The following ZNF621 variants were observed in gnomAD, a reference collection of about 807,000 sequenced individuals.
The protein encoded by ZNF621 is zinc finger protein 621.
A neutral mutation model predicts 12.7 loss-of-function variants in ZNF621; 6 were observed. That is an observed-to-expected ratio of 0.47 (90% CI 0.26 to 0.93). The LOEUF (loss-of-function observed/expected upper bound fraction) is 0.93, where lower values mean the gene tolerates loss of function less well. Ranked by LOEUF, ZNF621 falls within the 40% of genes least tolerant of loss-of-function variation. The probability of loss-of-function intolerance (pLI) is 0.15; values close to 1 mark genes in which losing one functional copy is unlikely to be tolerated. For synonymous variants in ZNF621, 156 were observed against 190.3 expected (o/e 0.82, Z 1.48); for missense variants, 474 against 524.0 (o/e 0.90, Z 0.93).
At chr3:40,530,420 T>G (rs1465923260) in intron 4 of ZNF621, 104 bp downstream of exon 4, 1 of 920,868 alleles carries the variant, frequency 1.1e-6, no homozygotes, top group African/African-American at 1.6e-5. Flanking sequence ...CAGTTATTTA[T>G]AAGTCGATAC....
At chr3:40,527,159 A>G (rs752339430) in intron 2 of ZNF621, among the ~76,000 whole-genome samples, 5 of 152,088 alleles carry the variant, frequency 3.3e-5, no homozygotes, top group Non-Finnish European at 5.9e-5. Context: ...ATGGAATTAC[A>G]GGTGCCCGCC....
rs1698848537 is a variant in ZNF621 at position 40,535,624 on chromosome 3, G to A, written c.*2534G>A. 3.3e-5 allele frequency: 5 copies of A among 152,200 alleles called. No individual in the cohort carries two copies. In the South Asian group the frequency reaches 1.0e-3, roughly 32 times the overall value. 9.4% of individuals were successfully genotyped at this position (152,200 alleles called of 1,614,324 possible). The stretch of plus-strand genomic sequence containing the variant: ...AGGGTCTTCTGTCTTCAGCCAGGGT[G>A]TACCTGCTCGGTGGGAGTTGGTTAT... On this transcript the variant is annotated 3_prime_UTR_variant, in exon 5 of 5. Transcript: ENST00000339296.
Position 40,539,574 on chromosome 3 carries a change from T to C in ZNF621, c.*6484T>C, listed in dbSNP as rs1459181619. On this transcript the variant is annotated 3_prime_UTR_variant, in exon 5 of 5. Transcript: ENST00000339296. ...TCCCTTTATTGTGTTAAACATTTTA[T>C]TACAGTTGTCTGGAAGCAAACCTGC... is the stretch of plus-strand genomic sequence containing the variant. The C allele has an allele frequency of 6.6e-6, 1 of 152,224 alleles. No individual in the cohort carries two copies. Among genetic ancestry groups the C allele is most frequent in the Non-Finnish European group, 1.5e-5 (1 of 68,038 alleles). The allele number at this position is 152,224 out of a possible 1,614,324, so 9.4% of individuals were successfully genotyped here.
At position 40,532,543 on chromosome 3, in the gene ZNF621, C is replaced by T. The variant is rs376957315; in HGVS notation, c.773C>T (p.Thr258Met). The change falls in exon 5 of 5, where the codon ACG becomes ATG. Residue 258 changes from threonine to methionine, a missense_variant. Thr to Met is a moderately conservative substitution (Grantham distance 81). Coordinates refer to ENST00000339296, the MANE Select transcript of ZNF621 (RefSeq NM_198484.5). ...TACCTGCAGCATCAGAGATTACACA[C>T]GGGAGAGAAACTCTATAAATGTAAG... ...AAYLQHQRLH[T>M]GEKLYKCKEC... The T allele has an allele frequency of 3.3e-5, 53 of 1,613,934 alleles. No individual in the cohort carries two copies. The highest frequency in any genetic ancestry group is 4.2e-5 in the Non-Finnish European group (50 of 1,180,034).
At position 40,532,648 on chromosome 3, in the gene ZNF621, G is replaced by T; in HGVS notation, c.878G>T (p.Cys293Phe). The T allele has an allele frequency of 6.2e-7, 1 of 1,614,212 alleles. No individual in the cohort carries two copies. The highest frequency in any genetic ancestry group is 8.5e-7 in the Non-Finnish European group (1 of 1,180,030). ...CATACTGGGGAGAAACCTTATCAAT[G>T]TAAGGAGTGTGGCAAAGCCTTCACC... ...RIHTGEKPYQCKECGKAFTQK... is the reference protein window; with the variant it reads ...RIHTGEKPYQFKECGKAFTQK... Residue 293 changes from cysteine to phenylalanine, a missense_variant, in exon 5 of 5, where the codon TGT (cysteine) becomes TTT (phenylalanine). Physicochemically the swap from Cys to Phe is radical, Grantham distance 205. Coordinates refer to ENST00000339296, the MANE Select transcript of ZNF621 (RefSeq NM_198484.5).
Position 40,532,801 on chromosome 3 carries a change from A to C in ZNF621, c.1031A>C (p.Glu344Ala). The C allele has an allele frequency of 6.2e-7, 1 of 1,614,208 alleles. No individual in the cohort carries two copies. The highest frequency in any genetic ancestry group is 8.5e-7 in the Non-Finnish European group (1 of 1,180,036). The change falls in exon 5 of 5, where the codon GAG becomes GCG. Residue 344 changes from glutamate (E) to alanine (A), a missense_variant. By Grantham distance (107) the Glu-to-Ala change is moderately radical (BLOSUM62 -1). Coordinates refer to ENST00000339296, the MANE Select transcript of ZNF621 (RefSeq NM_198484.5). ...CAGCATCAGAAATTGCACCCTGTGG[A>C]GAAGAAGCCAGTCAAGGTCCTTGGG... The part of the protein sequence containing the change: ...FVQHQKLHPV[E>A]KKPVKVLGPS...
chr3:40,538,256 T>G lies in ZNF621; in HGVS notation c.*5166T>G, dbSNP rs973337619. 1 of 418,356 alleles carries G rather than the reference T, an allele frequency of 2.4e-6. No homozygotes were observed. The highest frequency in any genetic ancestry group is 4.7e-6 in the Non-Finnish European group (1 of 211,062). 25.9% of individuals were successfully genotyped at this position (418,356 alleles called of 1,614,324 possible). ...TGTCAGGTGTGGTGGCTCACACTTGTAATCCCAACACTTTGGGAGGCCAAG... is the reference window on the plus strand; with the variant it reads ...TGTCAGGTGTGGTGGCTCACACTTGGAATCCCAACACTTTGGGAGGCCAAG... On this transcript the variant is annotated 3_prime_UTR_variant, in exon 5 of 5. Transcript: ENST00000339296.
chr3:40,536,607 C>T lies in ZNF621; in HGVS notation c.*3517C>T, dbSNP rs917734212. ...CCAGTCCCAAGTGCTGCCTGCCAAT[C>T]GTCCAGCACCCTCCACCTTTGCCAC... On this transcript the variant is annotated 3_prime_UTR_variant, in exon 5 of 5. Coordinates refer to ENST00000339296, the MANE Select transcript of ZNF621 (RefSeq NM_198484.5). 6.6e-6 allele frequency: 1 copy of T among 152,204 alleles called. No individual in the cohort carries two copies. Among genetic ancestry groups the T allele is most frequent in the Non-Finnish European group, 1.5e-5 (1 of 68,048 alleles). The allele number at this position is 152,204 out of a possible 1,614,324, so 9.4% of individuals were successfully genotyped here.
In ZNF621 at chr3:40,537,707, G is replaced by A; in HGVS notation, c.*4617G>A. On this transcript the variant is annotated 3_prime_UTR_variant, in exon 5 of 5. Transcript: ENST00000339296. ...CCTAATCCAGAGCAAGGCCATAACT[G>A]CCATTGTATGAAGGCTGAGAGAAGT... The A allele has an allele frequency of 6.2e-6, 1 of 160,912 alleles. No homozygotes were observed. The allele number at this position is 160,912 out of a possible 1,614,324, so 10.0% of individuals were successfully genotyped here.
At chr3:40,524,958 C>G (rs1245919319), upstream of ZNF621, 2 of 152,318 alleles carry the variant, frequency 1.3e-5, no homozygotes, top group African/African-American at 4.8e-5. Context: ...CGTGCACTCG[C>G]CCTTCCGGCT....
rs1698878500 is a variant in ZNF621 at position 40,536,882 on chromosome 3, A to C, written c.*3792A>C. On this transcript the variant is annotated 3_prime_UTR_variant, in exon 5 of 5. Coordinates refer to ENST00000339296, the MANE Select transcript of ZNF621 (RefSeq NM_198484.5). ...AAACTTAAAATATTTCAAACTTTTC[A>C]TTATATGTGTTTTGGTGATTAGTGA... 6.6e-6 allele frequency: 1 copy of C among 151,904 alleles called. No homozygotes were observed. Among genetic ancestry groups the C allele is most frequent in the Admixed American group, 6.6e-5 (1 of 15,234 alleles). The allele number at this position is 151,904 out of a possible 1,614,324, so 9.4% of individuals were successfully genotyped here.
intron 3 of ZNF621, 89 bp from the exon 4 acceptor site, chr3:40,530,120 A>G: frequency 1.9e-6 from 2 of 1,072,302 alleles, no homozygotes; most frequent in Non-Finnish European, 2.8e-6. Context: ...TTCTCTCCCA[A>G]GTAGCCTGAT....
chr3:40,532,288 A>G lies in ZNF621; in HGVS notation c.518A>G (p.His173Arg), dbSNP rs1242280690. The G allele has an allele frequency of 6.2e-7, 1 of 1,613,314 alleles. No homozygotes were observed. Among genetic ancestry groups the G allele is most frequent in the Non-Finnish European group, 8.5e-7 (1 of 1,180,036 alleles). The change falls in exon 5 of 5, where the codon CAT becomes CGT. Residue 173 changes from histidine (H) to arginine (R), a missense_variant. His to Arg is a conservative substitution (Grantham distance 29). Transcript: ENST00000339296. ...AAGCTTATTCGGCATCAGATGAGTC[A>G]TACTGGGGAAAAGCCCTTTAAGTGT... Reference protein sequence around the residue: ...NSKLIRHQMSHTGEKPFKCKE... With the variant: ...NSKLIRHQMSRTGEKPFKCKE...
intron 2 of ZNF621, among the ~76,000 whole-genome samples, chr3:40,527,716 A>G (rs990267126): frequency 6.6e-6 from 1 of 152,230 alleles, no homozygotes; most frequent in South Asian, 2.1e-4. Context: ...TGGTATCAGC[A>G]CAGTAAAATG....
At chr3:40,527,998 A>G (rs1698625955) in intron 2 of ZNF621, among the ~76,000 whole-genome samples, 1 of 152,232 alleles carries the variant, frequency 6.6e-6, no homozygotes, top group South Asian at 2.1e-4. Flanking sequence ...GAGTGAACCT[A>G]CACTAACACA....
Position 40,536,714 on chromosome 3 carries a change from A to G in ZNF621, c.*3624A>G, listed in dbSNP as rs1698872599. On this transcript the variant is annotated 3_prime_UTR_variant, in exon 5 of 5. Transcript: ENST00000339296. The stretch of plus-strand genomic sequence containing the variant: ...TCAAAGTACAGGCATACCTCATTTT[A>G]TTGCAGTTTGTTTTATTGTGTCTTG... 1 of 152,130 alleles carries G rather than the reference A, an allele frequency of 6.6e-6. No homozygotes were observed. The highest frequency in any genetic ancestry group is 1.5e-5 in the Non-Finnish European group (1 of 68,014). The allele number at this position is 152,130 out of a possible 1,614,324, so 9.4% of individuals were successfully genotyped here. A position where few individuals can be genotyped will look rare whatever the true frequency, so the allele number is the denominator to read the frequency against.
At chr3:40,523,130 GGACT>G (rs1283328867), upstream of ZNF621, among the ~76,000 whole-genome samples, 20 of 151,296 alleles carry the variant, frequency 1.3e-4, 1 homozygote, top group East Asian at 1.7e-3. Flanking sequence ...TCTCTTTTTA[GGACT>G]GACTGACTAT....
At position 40,533,297 on chromosome 3, in the gene ZNF621, C is replaced by A. The variant is rs546183444; in HGVS notation, c.*207C>A. ...CTGGGATTACAGGCACGCCTCACCA[C>A]GCCCAGCTAATTTCTGTATTTTTAG... On this transcript the variant is annotated 3_prime_UTR_variant, in exon 5 of 5. Transcript: ENST00000339296. The A allele has an allele frequency of 2.0e-4, 157 of 775,850 alleles. 1 individual carries two copies. The South Asian group carries it at 3.1e-3, about 15-fold the overall frequency. The allele number at this position is 775,850 out of a possible 1,614,324, so 48.1% of individuals were successfully genotyped here.
At chr3:40,530,163 C>G (rs1250598698) in intron 3 of ZNF621, 46 bp from the exon 4 acceptor site, 1 of 1,529,708 alleles carries the variant, frequency 6.5e-7, no homozygotes, top group African/African-American at 1.4e-5. Flanking sequence ...CCAGGAATAG[C>G]TCTGGACGTC....
Sources: gnomAD v4.1 joint callset for allele counts (sites outside exome capture counted in the v4.1 genomes callset) on GRCh38, gnomAD v4.1.1 for gene constraint, MANE v1.5 for transcripts, NCBI Gene and HGNC (gene_info 2026-07-23, HGNC 2026-07-21) for gene names.